GRIA3: variants seen among roughly 807,000 people sequenced by gnomAD.
GRIA3 encodes glutamate receptor 3.
In GRIA3, 3 loss-of-function variants were observed where a neutral mutation model predicts 63.0. That is an observed-to-expected ratio of 0.05 (90% CI 0.02 to 0.12). GRIA3 has a LOEUF of 0.12. Ranked by LOEUF, GRIA3 falls within the 10% of genes least tolerant of loss-of-function variation. The probability of loss-of-function intolerance (pLI) is 1.00; values close to 1 mark genes in which losing one functional copy is unlikely to be tolerated. For missense variants in GRIA3, 347 were observed against 700.9 expected (o/e 0.50, Z 5.70); for synonymous variants, 274 against 257.9 (o/e 1.06, Z -0.60).
At chrX:123,285,528 T>A (rs1365515451) in intron 3 of GRIA3, among the ~76,000 whole-genome samples, 2 of 78,447 alleles carry the variant, frequency 2.5e-5, no homozygotes, top group Non-Finnish European at 4.5e-5. Flanking sequence ...AAGACACACA[T>A]AGGCTCAAAA....
intron 11 of GRIA3, among the ~76,000 whole-genome samples, chrX:123,424,250 G>A (rs1398293309): frequency 8.9e-6 from 1 of 111,881 alleles, no homozygotes; most frequent in Non-Finnish European, 1.9e-5. Context: ...TTTATAAAAT[G>A]TGATGGGATT....
chrX:123,465,125 A>C lies in GRIA3; in HGVS notation c.2324+13A>C. ...GCTCAGCATTAAGGTGGGTGGAATA[A>C]TATAACAATATCCGTGTTGTTATAG... On this transcript the variant is annotated intron_variant, in intron 13 of 15. Transcript: ENST00000620443. The C allele has an allele frequency of 8.4e-7, 1 of 1,194,422 alleles. No homozygotes were observed.
At chrX:123,229,501 A>G (rs1362309161) in intron 2 of GRIA3, among the ~76,000 whole-genome samples, 1 of 112,053 alleles carries the variant, frequency 8.9e-6, no homozygotes, top group Non-Finnish European at 1.9e-5. Context: ...AGGAAATGCA[A>G]TGTGCTCGTT....
intron 4 of GRIA3, among the ~76,000 whole-genome samples, chrX:123,349,053 G>A (rs1039255359): frequency 8.9e-6 from 1 of 111,770 alleles, no homozygotes; most frequent in African/African-American, 3.3e-5. Flanking sequence ...TTATTTTCTT[G>A]TATTAGTGTC....
chrX:123,206,620 C>CTT lies in GRIA3; in HGVS notation c.268+20637_268+20638dup, dbSNP rs201862945. Among the ~76,000 whole-genome samples the CTT allele has an allele frequency of 4.5e-5, 5 of 110,205 alleles. No individual in the cohort carries two copies. In the South Asian group the frequency reaches 1.6e-3, roughly 34 times the overall value. ...TACAGGCTACCCATATTGTGTGTGG[C>CTT]TTTTTTTTCCTCTCTAATTAAAATT... On this transcript the variant is annotated intron_variant, in intron 2 of 15. Coordinates refer to ENST00000620443, the MANE Select transcript of GRIA3 (RefSeq NM_007325.5).
intron 2 of GRIA3, among the ~76,000 whole-genome samples, chrX:123,226,900 T>C: frequency 9.8e-6 from 1 of 102,134 alleles, no homozygotes; most frequent in East Asian, 3.4e-4. Context: ...ACTTCTAGCT[T>C]CCTGTCCCTC....
At chrX:123,248,846 TA>T (rs2044374246) in intron 2 of GRIA3, among the ~76,000 whole-genome samples, 1 of 111,690 alleles carries the variant, frequency 9.0e-6, no homozygotes, top group Non-Finnish European at 1.9e-5. Context: ...AGGATTCAGA[TA>T]AAGGAAACAG....
chrX:123,424,010 C>G (rs965433715), intron 11 of GRIA3, among the ~76,000 whole-genome samples: 1 of 112,012 alleles, frequency 8.9e-6, no homozygotes, highest in Admixed American at 9.5e-5. Flanking sequence ...CCTCCTCTTA[C>G]ATTTCCTCAA....
intron 5 of GRIA3, among the ~76,000 whole-genome samples, chrX:123,367,096 T>C (rs2045215214): frequency 9.0e-6 from 1 of 111,227 alleles, no homozygotes; most frequent in African/African-American, 3.3e-5. Context: ...AAAATTCTAA[T>C]GTCTTTGGGT....
At chrX:123,291,115 T>C (rs746003034) in intron 3 of GRIA3, among the ~76,000 whole-genome samples, 10 of 111,268 alleles carry the variant, frequency 9.0e-5, no homozygotes, top group African/African-American at 2.6e-4. Context: ...GTTTTAATAG[T>C]GGTAGTGAAT....
chrX:123,412,342 CACA>C (rs1310740862), intron 10 of GRIA3, among the ~76,000 whole-genome samples: 1 of 111,934 alleles, frequency 8.9e-6, no homozygotes, highest in Non-Finnish European at 1.9e-5. Flanking sequence ...AACCAATTAT[CACA>C]ACAACTTATT....
chrX:123,219,913 C>T (rs746092179), intron 2 of GRIA3, among the ~76,000 whole-genome samples: 87 of 112,702 alleles, frequency 7.7e-4, no homozygotes, highest in Middle Eastern at 9.2e-3. Context: ...TGTCAGTTCA[C>T]TCTGCCCCAT....
intron 2 of GRIA3, among the ~76,000 whole-genome samples, chrX:123,220,704 CA>C (rs1252077276): frequency 1.8e-5 from 2 of 112,241 alleles, no homozygotes; most frequent in African/African-American, 6.5e-5. Flanking sequence ...CTCTTGGTAA[CA>C]TTCAGGGAGA....
intron 3 of GRIA3, among the ~76,000 whole-genome samples, chrX:123,272,550 C>A (rs2044530276): frequency 9.0e-6 from 1 of 111,530 alleles, no homozygotes; most frequent in East Asian, 2.9e-4. Context: ...CATTTTCTTG[C>A]CTCCAGAAAT....
chrX:123,272,518 GT>G (rs750729261), intron 3 of GRIA3, among the ~76,000 whole-genome samples: 4 of 111,924 alleles, frequency 3.6e-5, no homozygotes, highest in African/African-American at 1.3e-4. Flanking sequence ...TAACTCACTA[GT>G]AATTGGAAGT....
At chrX:123,395,203 C>T in intron 6 of GRIA3, 74 bp downstream of exon 6, 3 of 875,143 alleles carry the variant, frequency 3.4e-6, no homozygotes, top group East Asian at 3.1e-5. Context: ...TATACACTAA[C>T]AGTCATCTTA....
intron 2 of GRIA3, among the ~76,000 whole-genome samples, chrX:123,248,710 T>C (rs1346104496): frequency 1.8e-5 from 2 of 111,432 alleles, no homozygotes; most frequent in African/African-American, 6.5e-5. Flanking sequence ...TGCTTGAACC[T>C]GGGAGGCGGA....
At chrX:123,479,452 T>C (rs2045902207) in intron 13 of GRIA3, among the ~76,000 whole-genome samples, 1 of 112,363 alleles carries the variant, frequency 8.9e-6, no homozygotes, top group African/African-American at 3.2e-5. Context: ...CGACTACATG[T>C]TTGTGGAGTA....
intron 13 of GRIA3, among the ~76,000 whole-genome samples, chrX:123,476,967 T>C (rs1382500558): frequency 8.9e-6 from 1 of 111,754 alleles, no homozygotes; most frequent in African/African-American, 3.3e-5. Context: ...TACACTGTAA[T>C]GGTTTAAGCC....
Sources: gnomAD v4.1 joint callset for allele counts (sites outside exome capture counted in the v4.1 genomes callset) on GRCh38, gnomAD v4.1.1 for gene constraint, MANE v1.5 for transcripts, NCBI Gene and HGNC (gene_info 2026-07-23, HGNC 2026-07-21) for gene names.